The following IPCEF1 variants were observed in gnomAD, a reference collection of about 807,000 sequenced individuals.
The protein encoded by IPCEF1 is interactor protein for cytohesin exchange factors 1.
IPCEF1 carries 31 observed loss-of-function variants against 50.9 expected under a neutral mutation model. The observed-to-expected ratio is 0.61, with a 90% CI of 0.46 to 0.82. The LOEUF (loss-of-function observed/expected upper bound fraction) is 0.82, where lower values mean the gene tolerates loss of function less well. Among genes scored for constraint, IPCEF1 ranks in the 40% least tolerant of loss-of-function variants. IPCEF1 has a pLI of 0.00. For missense variants in IPCEF1, 458 were observed against 514.0 expected (o/e 0.89, Z 1.05); for synonymous variants, 181 against 192.0 (o/e 0.94, Z 0.47).
chr6:154,309,061 A>G (rs1204427661), intron 1 of IPCEF1, among the ~76,000 whole-genome samples: 1 of 152,184 alleles, frequency 6.6e-6, no homozygotes, highest in African/African-American at 2.4e-5. Context: ...TTGTAAAGAG[A>G]CATGGAGAAG....
chr6:154,164,765 T>C lies in IPCEF1; in HGVS notation c.1104+3155A>G, dbSNP rs376400248. ...CAGAGTAACTCAGAGAGAGTTTCAG[T>C]TGGACCCATTAATCATTCCATTAAT... On this transcript the variant is annotated intron_variant, in intron 11 of 11. Coordinates refer to ENST00000367220, the MANE Select transcript of IPCEF1 (RefSeq NM_001130700.2). 1.4e-4 allele frequency among the ~76,000 whole-genome samples: 22 copies of C among 152,336 alleles called. 2 individuals carry two copies. The highest frequency in any genetic ancestry group is 3.4e-3 in the Middle Eastern group (1 of 294).
chr6:154,166,067 A>G (rs1799400688), intron 11 of IPCEF1, among the ~76,000 whole-genome samples: 1 of 152,268 alleles, frequency 6.6e-6, no homozygotes, highest in Non-Finnish European at 1.5e-5. Flanking sequence ...ACCTGGGGGC[A>G]GAGGCATTTG....
intron 10 of IPCEF1, 83 bp downstream of exon 10, chr6:154,199,585 T>C: frequency 1.4e-6 from 2 of 1,395,606 alleles, no homozygotes; most frequent in Non-Finnish European, 1.9e-6. Flanking sequence ...AGTTTAACCA[T>C]TCTTGTTACA....
chr6:154,269,127 T>C (rs983600707), intron 2 of IPCEF1, among the ~76,000 whole-genome samples: 6 of 152,378 alleles, frequency 3.9e-5, no homozygotes, highest in Middle Eastern at 3.4e-3. Flanking sequence ...TGGTTCAATA[T>C]ATATTTGTTG....
chr6:154,238,430 T>C (rs556217117), intron 5 of IPCEF1, among the ~76,000 whole-genome samples: 5 of 151,564 alleles, frequency 3.3e-5, no homozygotes, highest in Non-Finnish European at 5.9e-5. Context: ...TAATTTTGTA[T>C]ATATATATAT....
At chr6:154,297,627 G>A (rs752191563) in intron 1 of IPCEF1, among the ~76,000 whole-genome samples, 11 of 152,202 alleles carry the variant, frequency 7.2e-5, no homozygotes, top group African/African-American at 2.7e-4. Context: ...AAAGTTAATA[G>A]AGGAAAACAA....
chr6:154,272,083 G>A (rs1478768053), intron 2 of IPCEF1, among the ~76,000 whole-genome samples: 1 of 152,168 alleles, frequency 6.6e-6, no homozygotes, highest in Non-Finnish European at 1.5e-5. Context: ...AAAACTTATG[G>A]AAACTGCTTA....
Position 154,199,794 on chromosome 6 carries a change from T to C in IPCEF1, c.784A>G (p.Ser262Gly). The C allele has an allele frequency of 6.2e-7, 1 of 1,614,236 alleles. No homozygotes were observed. ...EAGIHKALEN[S>G]FVTSESGFLN... The stretch of plus-strand genomic sequence containing the variant: ...AATCCACTTTCTGATGTGACAAAAC[T>C]GTTTTCCAGGGCCTTGTGGATGCCT... The change falls in exon 10 of 12, where the codon AGT becomes GGT. Residue 262 changes from serine (S) to glycine (G), a missense_variant. Ser to Gly is a moderately conservative substitution (Grantham distance 56). Coordinates refer to ENST00000367220, the MANE Select transcript of IPCEF1 (RefSeq NM_001130700.2).
intron 3 of IPCEF1, among the ~76,000 whole-genome samples, chr6:154,250,198 C>T (rs1160756874): frequency 1.3e-5 from 2 of 151,802 alleles, no homozygotes; most frequent in African/African-American, 4.8e-5. Flanking sequence ...GAAGTGGAAC[C>T]CGTGAACTAG....
chr6:154,356,144 G>A (rs1784213766), intron 1 of IPCEF1, among the ~76,000 whole-genome samples: 1 of 152,052 alleles, frequency 6.6e-6, no homozygotes, highest in African/African-American at 2.4e-5. Context: ...GAAAAATCAA[G>A]TGCCCCAGAC....
intron 1 of IPCEF1, among the ~76,000 whole-genome samples, chr6:154,290,124 T>C (rs188645947): frequency 9.2e-5 from 14 of 152,298 alleles, no homozygotes; most frequent in Admixed American, 9.1e-4. Flanking sequence ...AGCAGCTTCC[T>C]GATAAGATCT....
intron 1 of IPCEF1, among the ~76,000 whole-genome samples, chr6:154,296,451 C>G (rs1048373668): frequency 6.6e-6 from 1 of 152,208 alleles, no homozygotes; most frequent in African/African-American, 2.4e-5. Context: ...GCTAGAGATT[C>G]ATTTTTGGCA....
At chr6:154,274,473 T>C (rs1782003911) in intron 2 of IPCEF1, among the ~76,000 whole-genome samples, 1 of 152,184 alleles carries the variant, frequency 6.6e-6, no homozygotes, top group South Asian at 2.1e-4. Context: ...AATGTCAATC[T>C]TTCCTCCCAG....
intron 2 of IPCEF1, among the ~76,000 whole-genome samples, chr6:154,273,702 TTTTTTCTTTCTTTCTTTC>T (rs1419136369): frequency 0.29 from 15,620 of 54,706 alleles, 2,471 homozygotes; most frequent in East Asian, 0.68. Flanking sequence ...GCTTTTTTCT[TTTTTTCTTTCTTTCTTTC>T]TTTCTTTTTT....
At chr6:154,251,912 C>T (rs1418030508) in intron 3 of IPCEF1, among the ~76,000 whole-genome samples, 1 of 152,044 alleles carries the variant, frequency 6.6e-6, no homozygotes, top group African/African-American at 2.4e-5. Context: ...CAGGGAAAAT[C>T]GTGGAGTTTC....
intron 1 of IPCEF1, among the ~76,000 whole-genome samples, chr6:154,318,712 C>CAAAAAAAAA: frequency 1.0e-5 from 1 of 98,832 alleles, no homozygotes; most frequent in Non-Finnish European, 2.0e-5. Flanking sequence ...GACCCTGTCT[C>CAAAAAAAAA]AAAAAAAAAA....
chr6:154,261,978 A>C (rs1006903352), intron 3 of IPCEF1, among the ~76,000 whole-genome samples: 1 of 152,332 alleles, frequency 6.6e-6, no homozygotes, highest in East Asian at 1.9e-4. Flanking sequence ...TACCTAGCAT[A>C]AAAATAGGTC....
intron 3 of IPCEF1, among the ~76,000 whole-genome samples, chr6:154,258,803 G>C (rs1226287499): frequency 6.6e-6 from 1 of 152,188 alleles, no homozygotes; most frequent in Non-Finnish European, 1.5e-5. Context: ...TGCTTAAAAT[G>C]CATCAATGAC....
At chr6:154,181,301 A>G (rs1423048440) in intron 10 of IPCEF1, among the ~76,000 whole-genome samples, 1 of 152,186 alleles carries the variant, frequency 6.6e-6, no homozygotes, top group Non-Finnish European at 1.5e-5. Context: ...AGAGATAACG[A>G]TCATACATTG....
Sources: gnomAD v4.1 joint callset for allele counts (sites outside exome capture counted in the v4.1 genomes callset) on GRCh38, gnomAD v4.1.1 for gene constraint, MANE v1.5 for transcripts, NCBI Gene and HGNC (gene_info 2026-07-23, HGNC 2026-07-21) for gene names.